FBXO31: variants seen among roughly 807,000 people sequenced by gnomAD.
The protein encoded by FBXO31 is F-box protein 31, also known as F-box only protein 31.
FBXO31 carries 24 observed loss-of-function variants against 54.4 expected under a neutral mutation model. The ratio of observed to expected loss-of-function variants is 0.44; its 90% CI spans 0.32 to 0.62. The LOEUF (loss-of-function observed/expected upper bound fraction) is 0.62, where lower values mean the gene tolerates loss of function less well. Among genes scored for constraint, FBXO31 ranks in the 20% least tolerant of loss-of-function variants. FBXO31 has a pLI of 0.05. For synonymous variants in FBXO31, 388 were observed against 335.6 expected (o/e 1.16, Z -1.71); for missense variants, 665 against 787.1 (o/e 0.84, Z 1.86).
chr16:87,375,770 C>T (rs927992140), intron 1 of FBXO31, among the ~76,000 whole-genome samples: 7 of 152,126 alleles, frequency 4.6e-5, no homozygotes, highest in African/African-American at 1.7e-4. Context: ...GTTTCCTATC[C>T]GGAGAAGGAG....
intron 2 of FBXO31, among the ~76,000 whole-genome samples, chr16:87,354,077 TCTA>T (rs1905787346): frequency 6.6e-6 from 1 of 152,270 alleles, no homozygotes; most frequent in African/African-American, 2.4e-5. Context: ...TGTAAGGAAT[TCTA>T]CTACATTTCT....
intron 2 of FBXO31, among the ~76,000 whole-genome samples, chr16:87,357,389 G>C (rs1905941614): frequency 6.7e-6 from 1 of 150,188 alleles, no homozygotes; most frequent in Admixed American, 6.7e-5. Flanking sequence ...GAGTGCAATG[G>C]CGTGATCTCG....
chr16:87,355,956 A>C (rs1428317929), intron 2 of FBXO31, among the ~76,000 whole-genome samples: 1 of 152,236 alleles, frequency 6.6e-6, no homozygotes, highest in Non-Finnish European at 1.5e-5. Flanking sequence ...GACATGCGAC[A>C]TGAGGAGCCT....
At chr16:87,365,011 AT>A (rs1490734099) in intron 1 of FBXO31, among the ~76,000 whole-genome samples, 7 of 13,014 alleles carry the variant, frequency 5.4e-4, no homozygotes, top group African/African-American at 1.6e-3. Flanking sequence ...CGTCTCTTAA[AT>A]ATATATATAT....
chr16:87,380,174 T>C (rs1165164913), intron 1 of FBXO31, among the ~76,000 whole-genome samples: 3 of 150,360 alleles, frequency 2.0e-5, no homozygotes, highest in South Asian at 2.1e-4. Context: ...GGCGGGCGCC[T>C]GTAGTCCCAG....
At chr16:87,343,515 T>G in intron 4 of FBXO31, 83 bp downstream of exon 4, 11 of 1,488,170 alleles carry the variant, frequency 7.4e-6, no homozygotes, top group African/African-American at 1.4e-5. Flanking sequence ...GGTCTGCAGC[T>G]GAGAATAGCA....
At position 87,333,998 on chromosome 16, in the gene FBXO31, C is replaced by G; in HGVS notation, c.1285G>C (p.Asp429His). 6.2e-7 allele frequency: 1 copy of G among 1,612,860 alleles called. No individual in the cohort carries two copies. The highest frequency in any genetic ancestry group is 8.5e-7 in the Non-Finnish European group (1 of 1,179,822). The change falls in exon 8 of 9, where the codon GAT (aspartate) becomes CAT (histidine). Residue 429 changes from aspartate to histidine, a missense_variant. Physicochemically the swap from Asp to His is moderately conservative, Grantham distance 81. This residue lies in a region of FBXO31 where 165 missense variants were observed against 159.7 expected (regional missense o/e 1.03). Transcript: ENST00000311635. ...GGCTGCTCGGCCGCAGCTACGGCATCCCCAGGCTCGCCACCATCCTCACCA... is the reference window on the plus strand; with the variant it reads ...GGCTGCTCGGCCGCAGCTACGGCATGCCCAGGCTCGCCACCATCCTCACCA... ...TPGEDGGEPGDAVAAAEQPAQ... is the reference protein window; with the variant it reads ...TPGEDGGEPGHAVAAAEQPAQ...
Position 87,330,036 on chromosome 16 carries a change from CAA to C in FBXO31, c.*1250_*1251del, listed in dbSNP as rs896923424. On this transcript the variant is annotated 3_prime_UTR_variant, in exon 9 of 9. Transcript: ENST00000311635. ...ACAAGGACTTGGAGCAGCCCAGACA[CAA>C]GGACAAGCGGCAGAGAGGGAAGGCT... 6.6e-6 allele frequency: 1 copy of C among 152,392 alleles called. No homozygotes were observed. Among genetic ancestry groups the C allele is most frequent in the African/African-American group, 2.4e-5 (1 of 41,476 alleles). 9.4% of individuals were successfully genotyped at this position (152,392 alleles called of 1,614,324 possible). A position where few individuals can be genotyped will look rare whatever the true frequency, so the allele number is the denominator to read the frequency against.
intron 2 of FBXO31, among the ~76,000 whole-genome samples, chr16:87,349,474 T>G (rs1048289926): frequency 6.6e-6 from 1 of 152,120 alleles, no homozygotes; most frequent in Non-Finnish European, 1.5e-5. Context: ...CCCAGTACTT[T>G]GAGAGGCCAA....
chr16:87,360,377 A>C lies in FBXO31; in HGVS notation c.341-11T>G, dbSNP rs1284455253. On this transcript the variant is annotated splice_polypyrimidine_tract_variant and intron_variant, in intron 1 of 8. Coordinates refer to ENST00000311635, the MANE Select transcript of FBXO31 (RefSeq NM_024735.5). ...CGCAAACACCATACTCTGTAACAAGAAACATTTGCAGAAATTTAAGATCAA... is the reference window on the plus strand; with the variant it reads ...CGCAAACACCATACTCTGTAACAAGCAACATTTGCAGAAATTTAAGATCAA... 5.6e-6 allele frequency: 9 copies of C among 1,613,430 alleles called. No individual in the cohort carries two copies. The highest frequency in any genetic ancestry group is 7.6e-6 in the Non-Finnish European group (9 of 1,179,658).
chr16:87,363,797 A>G (rs543845812), intron 1 of FBXO31, among the ~76,000 whole-genome samples: 2 of 147,970 alleles, frequency 1.4e-5, no homozygotes, highest in South Asian at 4.5e-4. Flanking sequence ...GCAAATGATA[A>G]TAAAAGACTT....
At chr16:87,352,251 C>A (rs1293972366) in intron 2 of FBXO31, among the ~76,000 whole-genome samples, 1 of 152,162 alleles carries the variant, frequency 6.6e-6, no homozygotes, top group African/African-American at 2.4e-5. Flanking sequence ...AACAACTACA[C>A]AGGAAAACCA....
intron 2 of FBXO31, among the ~76,000 whole-genome samples, chr16:87,355,049 C>G (rs1318361891): frequency 6.6e-6 from 1 of 151,948 alleles, no homozygotes; most frequent in African/African-American, 2.4e-5. Context: ...CCACCCAGGA[C>G]AGTCCTACAC....
chr16:87,383,641 G>C lies in FBXO31; in HGVS notation c.104C>G (p.Pro35Arg). 3 of 1,360,436 alleles carry C rather than the reference G, an allele frequency of 2.2e-6. No homozygotes were observed. Among genetic ancestry groups the C allele is most frequent in the Non-Finnish European group, 2.8e-6 (3 of 1,059,954 alleles). The allele number at this position is 1,360,436 out of a possible 1,614,324, so 84.3% of individuals were successfully genotyped here. A position where few individuals can be genotyped will look rare whatever the true frequency, so the allele number is the denominator to read the frequency against. The change falls in exon 1 of 9, where the codon CCG becomes CGG. Residue 35 changes from proline (P) to arginine (R), a missense_variant. Pro to Arg is a moderately radical substitution (Grantham distance 103, BLOSUM62 -2). This residue lies in a region of FBXO31 where 195 missense variants were observed against 174.8 expected (regional missense o/e 1.12). Transcript: ENST00000311635. The surrounding 1 kb of genome is among the most constrained non-coding windows in gnomAD (Gnocchi z 4.9). ...PAETAAADSE[P>R]DTDPEEERIE... ...GCGCTCCTCCTCGGGGTCTGTGTCCGGCTCGCTGTCGGCCGCCGCCGTCTC... is the reference window on the plus strand; with the variant it reads ...GCGCTCCTCCTCGGGGTCTGTGTCCCGCTCGCTGTCGGCCGCCGCCGTCTC...
chr16:87,363,023 C>G (rs1456865206), intron 1 of FBXO31, among the ~76,000 whole-genome samples: 1 of 152,198 alleles, frequency 6.6e-6, no homozygotes, highest in Non-Finnish European at 1.5e-5. Context: ...AAGGGCCGCT[C>G]TGACAACCAT....
chr16:87,389,230 C>G (rs1319610696), intron 1 of FBXO31, among the ~76,000 whole-genome samples: 1 of 152,104 alleles, frequency 6.6e-6, no homozygotes, highest in Non-Finnish European at 1.5e-5. Flanking sequence ...TCTTTAAACC[C>G]CAATCATTTT....
intron 1 of FBXO31, chr16:87,367,432 C>G (rs1265338525): frequency 6.6e-6 from 1 of 152,100 alleles, no homozygotes; most frequent in Non-Finnish European, 1.5e-5. Context: ...ATCAAGATTC[C>G]CAGGGGGGTC....
intron 1 of FBXO31, among the ~76,000 whole-genome samples, chr16:87,361,300 C>T (rs192764431): frequency 2.6e-5 from 4 of 152,344 alleles, no homozygotes; most frequent in Admixed American, 1.3e-4. Context: ...GACATGACTC[C>T]ACAAAGGACC....
At chr16:87,348,442 G>A (rs1024374322) in intron 2 of FBXO31, among the ~76,000 whole-genome samples, 2 of 152,214 alleles carry the variant, frequency 1.3e-5, no homozygotes, top group African/African-American at 2.4e-5. Flanking sequence ...GGGAGAAGGT[G>A]GCACCCAGTG....
Sources: gnomAD v4.1 joint callset for allele counts (sites outside exome capture counted in the v4.1 genomes callset) on GRCh38, gnomAD v4.1.1 for gene constraint, gnomAD v4.1.1 regional missense constraint, Gnocchi (gnomAD v3.1) non-coding constraint, MANE v1.5 for transcripts, NCBI Gene and HGNC (gene_info 2026-07-23, HGNC 2026-07-21) for gene names.